The following SOX5 variants were observed in gnomAD, a reference collection of about 807,000 sequenced individuals.
SOX5 encodes transcription factor SOX-5.
SOX5 carries 9 observed loss-of-function variants against 92.0 expected under a neutral mutation model. The observed-to-expected ratio is 0.10, with a 90% CI of 0.06 to 0.17. SOX5 has a LOEUF of 0.17. SOX5 is among the 10% of genes least tolerant of loss of function. The probability of loss-of-function intolerance (pLI) is 1.00; values close to 1 mark genes in which losing one functional copy is unlikely to be tolerated. For synonymous variants in SOX5, 344 were observed against 336.3 expected (o/e 1.02, Z -0.25); for missense variants, 642 against 944.5 (o/e 0.68, Z 4.20).
intron 6 of SOX5, among the ~76,000 whole-genome samples, chr12:23,691,733 T>C (rs906486551): frequency 1.1e-4 from 17 of 152,178 alleles, no homozygotes; most frequent in Admixed American, 3.9e-4. Context: ...ATTCTTTGTA[T>C]TATGTGTGTC....
chr12:23,660,340 G>A (rs1043594689), intron 7 of SOX5, among the ~76,000 whole-genome samples: 1 of 133,420 alleles, frequency 7.5e-6, no homozygotes, highest in Non-Finnish European at 1.7e-5. Flanking sequence ...TAACAATTCC[G>A]TAAAATGGAT....
At chr12:23,601,970 A>G (rs1371169792) in intron 9 of SOX5, among the ~76,000 whole-genome samples, 4 of 152,142 alleles carry the variant, frequency 2.6e-5, no homozygotes, top group Non-Finnish European at 5.9e-5. Flanking sequence ...GAAAAGAGGC[A>G]CTTTATTCTT....
At chr12:24,559,012 A>G (rs1383048360) in intron 1 of SOX5, among the ~76,000 whole-genome samples, 1 of 152,214 alleles carries the variant, frequency 6.6e-6, no homozygotes, top group South Asian at 2.1e-4. Context: ...CAGATCCCAA[A>G]TCATTAACAT....
intron 4 of SOX5, among the ~76,000 whole-genome samples, chr12:24,153,305 G>A (rs1951842046): frequency 6.6e-6 from 1 of 152,072 alleles, no homozygotes; most frequent in South Asian, 2.1e-4. Context: ...ACTCATTCTG[G>A]GAGAAGGAGG....
chr12:24,188,615 A>G (rs1956234500), intron 4 of SOX5, among the ~76,000 whole-genome samples: 1 of 152,212 alleles, frequency 6.6e-6, no homozygotes, highest in Non-Finnish European at 1.5e-5. Flanking sequence ...CAGTAGAAAA[A>G]TGCAAAGTAT....
intron 4 of SOX5, among the ~76,000 whole-genome samples, chr12:24,075,396 A>G (rs943751668): frequency 1.3e-5 from 2 of 151,556 alleles, no homozygotes; most frequent in African/African-American, 2.4e-5. Context: ...ATTTGTCAAT[A>G]TGTTTTGAGA....
intron 1 of SOX5, among the ~76,000 whole-genome samples, chr12:24,435,568 T>A (rs1358564632): frequency 6.6e-6 from 1 of 152,238 alleles, no homozygotes; most frequent in Non-Finnish European, 1.5e-5. Flanking sequence ...GTCCTGCACA[T>A]AGTTCAATAT....
chr12:24,382,277 C>T (rs943419912), intron 1 of SOX5, among the ~76,000 whole-genome samples: 2 of 152,084 alleles, frequency 1.3e-5, no homozygotes, highest in Admixed American at 6.6e-5. Context: ...GAATGAGTCA[C>T]GCGGTTAACA....
chr12:24,405,958 T>C (rs1368495112), intron 1 of SOX5, among the ~76,000 whole-genome samples: 1 of 151,924 alleles, frequency 6.6e-6, no homozygotes, highest in South Asian at 2.1e-4. Flanking sequence ...CATAGGTCTT[T>C]AGAGAGGCTT....
At chr12:24,379,843 A>AC (rs1957641469) in intron 1 of SOX5, among the ~76,000 whole-genome samples, 2 of 150,042 alleles carry the variant, frequency 1.3e-5, no homozygotes, top group South Asian at 4.2e-4. Context: ...AAAAAAAAAA[A>AC]AGAGTCCTAA....
chr12:23,872,922 A>C (rs1205952836), intron 2 of SOX5, among the ~76,000 whole-genome samples: 2 of 152,198 alleles, frequency 1.3e-5, no homozygotes, highest in Non-Finnish European at 2.9e-5. Flanking sequence ...ATATTCAGTG[A>C]CTAATTAAAG....
intron 3 of SOX5, among the ~76,000 whole-genome samples, chr12:23,845,706 G>A (rs1482817794): frequency 3.9e-5 from 6 of 152,110 alleles, no homozygotes; most frequent in South Asian, 2.1e-4. Context: ...GACTATTCCC[G>A]GCTCTGCTGC....
chr12:23,564,201 G>T (rs774785648), intron 10 of SOX5, among the ~76,000 whole-genome samples: 1 of 152,118 alleles, frequency 6.6e-6, no homozygotes, highest in African/African-American at 2.4e-5. Flanking sequence ...AATAACAGGT[G>T]TAACAACCAA....
At chr12:23,716,826 A>G (rs1008735151) in intron 6 of SOX5, among the ~76,000 whole-genome samples, 6 of 152,188 alleles carry the variant, frequency 3.9e-5, no homozygotes, top group Admixed American at 1.3e-4. Context: ...AAAAATAGTA[A>G]AGTCTGCTGT....
rs180691683 is a variant in SOX5 at position 23,948,028 on chromosome 12, C to T, written c.38+1536G>A. 2.3e-3 allele frequency among the ~76,000 whole-genome samples: 347 copies of T among 152,070 alleles called. 1 individual carries two copies. The highest frequency in any genetic ancestry group is 8.3e-3 in the African/African-American group (344 of 41,532). On this transcript the variant is annotated intron_variant, in intron 1 of 14. Transcript: ENST00000451604. Reference sequence around the variant, plus strand: ...ACTTAACTGTGTTAAATTAGCAAATCGCTACATTAGGTAATGTACAGTATG... The same window carrying T: ...ACTTAACTGTGTTAAATTAGCAAATTGCTACATTAGGTAATGTACAGTATG...
chr12:23,608,970 A>T (rs955099311), intron 8 of SOX5, among the ~76,000 whole-genome samples: 18 of 152,208 alleles, frequency 1.2e-4, no homozygotes, highest in Non-Finnish European at 2.9e-5. Context: ...TGAGACTATA[A>T]GTATACTGTA....
intron 4 of SOX5, among the ~76,000 whole-genome samples, chr12:24,028,210 A>G (rs1309049044): frequency 6.6e-6 from 1 of 151,926 alleles, no homozygotes; most frequent in East Asian, 1.9e-4. Context: ...ATGTACTTAT[A>G]AGGTGACCAT....
chr12:24,263,313 G>A (rs1223027498), intron 3 of SOX5, among the ~76,000 whole-genome samples: 1 of 151,766 alleles, frequency 6.6e-6, no homozygotes, highest in African/African-American at 2.4e-5. Flanking sequence ...GGATCATGAG[G>A]TCAGGAGATC....
At chr12:24,385,924 C>CAAAAAAAAAAAA (rs565354484) in intron 1 of SOX5, among the ~76,000 whole-genome samples, 1 of 17,624 alleles carries the variant, frequency 5.7e-5, no homozygotes, top group African/African-American at 2.0e-4. Flanking sequence ...AAGACCTTGT[C>CAAAAAAAAAAAA]ACAAAAAAAA....
Sources: allele counts gnomAD v4.1 joint callset (sites outside exome capture counted in the v4.1 genomes callset), GRCh38; gene constraint gnomAD v4.1.1; transcripts MANE v1.5; gene names NCBI Gene and HGNC (gene_info 2026-07-23, HGNC 2026-07-21).